Variants in PCM1 observed in about 807,000 individuals in gnomAD.
The protein encoded by PCM1 is pericentriolar material 1 protein.
In PCM1, 157 loss-of-function variants were observed where a neutral mutation model predicts 241.9. The ratio of observed to expected loss-of-function variants is 0.65; its 90% CI spans 0.57 to 0.74. PCM1 has a LOEUF of 0.74. Ranked by LOEUF, PCM1 falls within the 30% of genes least tolerant of loss-of-function variation. The pLI, the probability that PCM1 is intolerant of heterozygous loss-of-function variation, is 0.00. For missense variants in PCM1, 3,478 were observed against 2,360.1 expected, an observed-to-expected ratio of 1.47 and a Z score of -9.81; for synonymous variants, 1,085 against 784.9, an observed-to-expected ratio of 1.38 and a Z score of -6.39.
intron 22 of PCM1, among the ~76,000 whole-genome samples, chr8:17,970,463 ACT>A (rs1436026073): frequency 4.0e-5 from 6 of 151,470 alleles, no homozygotes; most frequent in Non-Finnish European, 7.4e-5. Context: ...TTAACCAATA[ACT>A]CTGAGAATTC....
intron 24 of PCM1, among the ~76,000 whole-genome samples, chr8:17,984,276 A>G (rs945665458): frequency 3.9e-5 from 6 of 152,168 alleles, no homozygotes; most frequent in Non-Finnish European, 2.9e-5. Context: ...AATATAGTAT[A>G]TAAGATAAAA....
In PCM1 at chr8:18,028,042, A is replaced by T; in HGVS notation, c.*380A>T. On this transcript the variant is annotated 3_prime_UTR_variant, in exon 39 of 39. Coordinates refer to ENST00000325083, the MANE Select transcript of PCM1 (RefSeq NM_006197.4). ...TGTTTTATATAACTTTAGGCTGCTC[A>T]GAGAAGAGCAATGGTTAAGAGTTAG... 1 of 225,550 alleles carries T rather than the reference A, an allele frequency of 4.4e-6. No homozygotes were observed. Among genetic ancestry groups the T allele is most frequent in the Non-Finnish European group, 8.8e-6 (1 of 113,782 alleles). 14.0% of individuals were successfully genotyped at this position (225,550 alleles called of 1,614,324 possible).
intron 3 of PCM1, 104 bp downstream of exon 3, chr8:17,935,810 C>G (rs916327369): frequency 6.5e-6 from 4 of 613,504 alleles, no homozygotes; most frequent in South Asian, 6.5e-5. Context: ...TATACACTTG[C>G]TGGCCAAGAC....
In PCM1 at chr8:17,960,451, A is replaced by T. The variant is rs1279306796; in HGVS notation, c.2322+7A>T. On this transcript the variant is annotated splice_region_variant and intron_variant, in intron 15 of 38. Coordinates refer to ENST00000325083, the MANE Select transcript of PCM1 (RefSeq NM_006197.4). ...GGCATGCCCTGACTTACAGGTAATT[A>T]TGAAATTTATTTCTAATTGTCTGAA... 3 of 1,573,282 alleles carry T rather than the reference A, an allele frequency of 1.9e-6. No homozygotes were observed. In the East Asian group the frequency reaches 6.9e-5, roughly 36 times the overall value.
chr8:17,953,927 A>G (rs1326730478), intron 9 of PCM1, among the ~76,000 whole-genome samples: 1 of 152,242 alleles, frequency 6.6e-6, no homozygotes, highest in Non-Finnish European at 1.5e-5. Flanking sequence ...ATTAAAGAAA[A>G]GATGAGGGAT....
Position 17,966,403 on chromosome 8 carries a change from G to A in PCM1, c.3151G>A (p.Val1051Ile). ...VMPSNVASPQVHFIMHQLNQC... is the reference protein window; with the variant it reads ...VMPSNVASPQIHFIMHQLNQC... ...GCCCAGCAATGTTGCATCTCCTCAA[G>A]TACACTTCATAATGCACCAGTTGAA... The change falls in exon 20 of 39, where the codon GTA (valine) becomes ATA (isoleucine). Residue 1051 changes from valine to isoleucine, a missense_variant. Coordinates refer to ENST00000325083, the MANE Select transcript of PCM1 (RefSeq NM_006197.4). The A allele has an allele frequency of 6.2e-7, 1 of 1,613,630 alleles. No individual in the cohort carries two copies.
At chr8:17,976,983 C>G (rs1034282048) in intron 23 of PCM1, among the ~76,000 whole-genome samples, 1 of 151,822 alleles carries the variant, frequency 6.6e-6, no homozygotes, top group Non-Finnish European at 1.5e-5. Context: ...CCTATTGGGA[C>G]TCCCCACTGA....
At position 17,985,483 on chromosome 8, in the gene PCM1, G is replaced by A. The variant is rs549718213; in HGVS notation, c.4145G>A (p.Arg1382Gln). 8 of 1,564,536 alleles carry A rather than the reference G, an allele frequency of 5.1e-6. No individual in the cohort carries two copies. In the African/African-American group the frequency reaches 6.7e-5, roughly 13 times the overall value. The change falls in exon 25 of 39, where the codon CGA becomes CAA. Residue 1382 changes from arginine to glutamine, a missense_variant. By Grantham distance (43) the Arg-to-Gln change is conservative. Coordinates refer to ENST00000325083, the MANE Select transcript of PCM1 (RefSeq NM_006197.4). ...GSDFSMFEAL[R>Q]DTIYSEVATL... ...GATTTTTCCATGTTTGAAGCTTTGC[G>A]AGATACTATTTATTCTGAAGTAGCT...
At chr8:17,963,391 T>A in intron 17 of PCM1, 100 bp downstream of exon 17, 1 of 771,786 alleles carries the variant, frequency 1.3e-6, no homozygotes, top group Non-Finnish European at 2.0e-6. Context: ...ACAGCACAAA[T>A]CTGCTATTTC....
intron 4 of PCM1, 89 bp downstream of exon 4, chr8:17,937,468 G>T (rs1179342256): frequency 2.5e-6 from 3 of 1,211,924 alleles, no homozygotes; most frequent in Non-Finnish European, 3.4e-6. Flanking sequence ...AAAAAATTGA[G>T]CTGTTTATGT....
chr8:17,985,631 C>T lies in PCM1; in HGVS notation c.4281+12C>T, dbSNP rs758469760. 26 of 1,590,500 alleles carry T rather than the reference C, an allele frequency of 1.6e-5. No homozygotes were observed. The Admixed American group carries it at 3.6e-4, about 22-fold the overall frequency. On this transcript the variant is annotated intron_variant, in intron 25 of 38. Transcript: ENST00000325083. ...TATATGCATTGCAGGTATCTGGTAC[C>T]TAACATAATTTTTCCTACCCTATTA...
At chr8:17,955,803 TGTGTG>T (rs1378358291) in intron 10 of PCM1, 150 bp downstream of exon 10, 4 of 655,020 alleles carry the variant, frequency 6.1e-6, no homozygotes, top group Non-Finnish European at 1.1e-5. Flanking sequence ...GTGTGTGTGT[TGTGTG>T]GGCATAATTT....
intron 21 of PCM1, among the ~76,000 whole-genome samples, chr8:17,968,734 G>GTC (rs1364427434): frequency 9.9e-6 from 1 of 101,174 alleles, no homozygotes; most frequent in East Asian, 2.1e-4. Flanking sequence ...GTATATATGT[G>GTC]TGTGTGTGTG....
intron 36 of PCM1, among the ~76,000 whole-genome samples, chr8:18,020,207 G>A (rs1489838896): frequency 6.6e-6 from 1 of 152,160 alleles, no homozygotes; most frequent in African/African-American, 2.4e-5. Flanking sequence ...ACTCAGAAAC[G>A]TGGAGGAAGC....
rs1480403998 is a variant in PCM1, at chr8:17,937,116, G to T, written c.97-18G>T. ...TTTGATACAGGCCATGTTAATTTTT[G>T]CTTTTACTTTTTTAAAGGATTGGGG... On this transcript the variant is annotated intron_variant, in intron 3 of 38. Transcript: ENST00000325083. 1 of 1,528,586 alleles carries T rather than the reference G, an allele frequency of 6.5e-7. No individual in the cohort carries two copies. The highest frequency in any genetic ancestry group is 8.8e-7 in the Non-Finnish European group (1 of 1,135,554). 94.7% of individuals were successfully genotyped at this position (1,528,586 alleles called of 1,614,324 possible). A position where few individuals can be genotyped will look rare whatever the true frequency, so the allele number is the denominator to read the frequency against.
chr8:17,956,066 G>C (rs974748849), intron 10 of PCM1: 1 of 212,726 alleles, frequency 4.7e-6, no homozygotes, highest in Non-Finnish European at 9.4e-6. Flanking sequence ...TAATATACCT[G>C]TTGATAAATA....
chr8:17,944,871 T>A (rs2063283852), intron 6 of PCM1, among the ~76,000 whole-genome samples: 1 of 152,178 alleles, frequency 6.6e-6, no homozygotes, highest in Non-Finnish European at 1.5e-5. Context: ...TAGTGAGAAA[T>A]CTGAAGATAA....
chr8:18,015,139 C>A (rs182101130), intron 36 of PCM1, among the ~76,000 whole-genome samples: 1 of 152,168 alleles, frequency 6.6e-6, no homozygotes, highest in Admixed American at 6.5e-5. Flanking sequence ...TTTATACTAC[C>A]TATTCTTCTC....
rs2094423311 is a variant in PCM1 at position 18,029,868 on chromosome 8, T to C, written c.*2206T>C. ...CTAAAATAATGAGCTGGCCAGACTG[T>C]GGAGGTACTCTTTGTATTTTGTAAC... On this transcript the variant is annotated 3_prime_UTR_variant, in exon 39 of 39. Coordinates refer to ENST00000325083, the MANE Select transcript of PCM1 (RefSeq NM_006197.4). 5.1e-6 allele frequency: 1 copy of C among 194,462 alleles called. No individual in the cohort carries two copies. Among genetic ancestry groups the C allele is most frequent in the African/African-American group, 2.3e-5 (1 of 43,190 alleles). 12.0% of individuals were successfully genotyped at this position (194,462 alleles called of 1,614,324 possible). A position where few individuals can be genotyped will look rare whatever the true frequency, so the allele number is the denominator to read the frequency against.
Sources: allele counts gnomAD v4.1 joint callset (sites outside exome capture counted in the v4.1 genomes callset), GRCh38; gene constraint gnomAD v4.1.1; transcripts MANE v1.5; gene names NCBI Gene and HGNC (gene_info 2026-07-23, HGNC 2026-07-21).